Variants in ALK observed in about 807,000 individuals in gnomAD.
ALK encodes the protein ALK tyrosine kinase receptor.
In ALK, 74 loss-of-function variants were observed where a neutral mutation model predicts 163.1. The observed-to-expected ratio is 0.45, with a 90% CI of 0.38 to 0.55. The LOEUF (loss-of-function observed/expected upper bound fraction) is 0.55, where lower values mean the gene tolerates loss of function less well. Among genes scored for constraint, ALK ranks in the 20% least tolerant of loss-of-function variants. The pLI, the probability that ALK is intolerant of heterozygous loss-of-function variation, is 0.00. For synonymous variants in ALK, 960 were observed against 843.2 expected, an observed-to-expected ratio of 1.14 and a Z score of -2.40; for missense variants, 2,063 against 2,105.3, an observed-to-expected ratio of 0.98 and a Z score of 0.39.
In ALK at chr2:29,815,809, C is replaced by A. The variant is rs1380266171; in HGVS notation, c.668-98112G>T. Among the ~76,000 whole-genome samples, 6 of 152,242 alleles carry A rather than the reference C, an allele frequency of 3.9e-5. No individual in the cohort carries two copies. In the South Asian group the frequency reaches 1.2e-3, roughly 32 times the overall value. On this transcript the variant is annotated intron_variant, in intron 1 of 28. Coordinates refer to ENST00000389048, the MANE Select transcript of ALK (RefSeq NM_004304.5). ...CTGAGACACTGACCCAAAACTGAGG[C>A]CCTGGAAATTCCATATACACTCTTT...
chr2:29,197,294 T>C (rs1391611201), intron 27 of ALK, among the ~76,000 whole-genome samples: 1 of 152,136 alleles, frequency 6.6e-6, no homozygotes, highest in African/African-American at 2.4e-5. Context: ...TTGGGGAATG[T>C]AGGCCTGGTG....
chr2:29,643,016 G>A (rs1676748498), intron 3 of ALK, among the ~76,000 whole-genome samples: 1 of 152,014 alleles, frequency 6.6e-6, no homozygotes, highest in South Asian at 2.1e-4. Flanking sequence ...TAAAATTTAG[G>A]AATAATAATA....
At chr2:29,703,620 AAC>A (rs1264742080) in intron 2 of ALK, among the ~76,000 whole-genome samples, 1 of 152,204 alleles carries the variant, frequency 6.6e-6, no homozygotes, top group Admixed American at 6.5e-5. Context: ...GCCTTTTGTG[AAC>A]ACAGCTTCCT....
chr2:29,462,031 A>C (rs1209134699), intron 4 of ALK, among the ~76,000 whole-genome samples: 1 of 152,172 alleles, frequency 6.6e-6, no homozygotes, highest in Non-Finnish European at 1.5e-5. Flanking sequence ...TCATTGGAGA[A>C]AGCAACTGCA....
chr2:29,331,510 A>G (rs537418194), intron 5 of ALK, among the ~76,000 whole-genome samples: 5 of 152,196 alleles, frequency 3.3e-5, no homozygotes, highest in Non-Finnish European at 7.3e-5. Context: ...TCATTTTAGG[A>G]TGTAAAATGT....
rs1298837509 is a variant in ALK, at chr2:29,831,204, GGGAAGA to G, written c.667+88783_667+88788del. Among the ~76,000 whole-genome samples, 51 of 51,240 alleles carry G rather than the reference GGGAAGA, an allele frequency of 1.0e-3. 8 individuals carry two copies. The highest frequency in any genetic ancestry group is 3.7e-3 in the African/African-American group (47 of 12,844). The allele number at this position is 51,240 out of a possible 152,430, so 33.6% of individuals were successfully genotyped here. A position where few individuals can be genotyped will look rare whatever the true frequency, so the allele number is the denominator to read the frequency against. ...GGGGAAGGGGAAGGGGAAGGGGAAG[GGGAAGA>G]GGAAGAGGAAGAGGAAGAAGAAGAG... On this transcript the variant is annotated intron_variant, in intron 1 of 28. Transcript: ENST00000389048.
chr2:29,708,974 G>T lies in ALK; in HGVS notation c.787+8604C>A, dbSNP rs1242587452. Among the ~76,000 whole-genome samples the T allele has an allele frequency of 3.3e-5, 5 of 152,136 alleles. No individual in the cohort carries two copies. The South Asian group carries it at 6.2e-4, about 19-fold the overall frequency. ...TCTGACACAAAGTTTTGCACCTGAGGTTGCTCTCGACAAAACATTTTAAGA... is the reference window on the plus strand; with the variant it reads ...TCTGACACAAAGTTTTGCACCTGAGTTTGCTCTCGACAAAACATTTTAAGA... On this transcript the variant is annotated intron_variant, in intron 2 of 28. Coordinates refer to ENST00000389048, the MANE Select transcript of ALK (RefSeq NM_004304.5).
intron 24 of ALK, among the ~76,000 whole-genome samples, chr2:29,212,919 G>A (rs908991686): frequency 6.6e-6 from 1 of 152,078 alleles, no homozygotes; most frequent in Admixed American, 6.6e-5. Context: ...TGGTCAGGCT[G>A]GTCTCGAACT....
chr2:29,232,322 C>T lies in ALK; in HGVS notation c.2614G>A (p.Gly872Ser), dbSNP rs1343280200. 10 of 1,614,242 alleles carry T rather than the reference C, an allele frequency of 6.2e-6. No homozygotes were observed. The highest frequency in any genetic ancestry group is 7.6e-6 in the Non-Finnish European group (9 of 1,180,046). ...ENNSSVLGLN[G>S]NSGAAGGGGG... ...GCTTTACCTGCGGCTCCGGAATTGCCGTTTAGCCCTAGAACCGAGGAGTTA... is the reference window on the plus strand; with the variant it reads ...GCTTTACCTGCGGCTCCGGAATTGCTGTTTAGCCCTAGAACCGAGGAGTTA... The change falls in exon 15 of 29, where the codon GGC (glycine) becomes AGC (serine). Residue 872 changes from glycine (G) to serine (S), a missense_variant. Physicochemically the swap from Gly to Ser is moderately conservative, Grantham distance 56. Transcript: ENST00000389048.
At chr2:29,333,047 T>C (rs914586334) in intron 5 of ALK, among the ~76,000 whole-genome samples, 1 of 152,236 alleles carries the variant, frequency 6.6e-6, no homozygotes, top group Non-Finnish European at 1.5e-5. Context: ...ATTTTTATTT[T>C]TAACTAAAGG....
chr2:29,592,066 A>G (rs978465990), intron 3 of ALK, among the ~76,000 whole-genome samples: 1 of 152,062 alleles, frequency 6.6e-6, no homozygotes, highest in African/African-American at 2.4e-5. Context: ...CAAAATCCAG[A>G]TGACAGTGCT....
chr2:29,621,423 C>T (rs1244421681), intron 3 of ALK, among the ~76,000 whole-genome samples: 1 of 152,228 alleles, frequency 6.6e-6, no homozygotes, highest in Non-Finnish European at 1.5e-5. Flanking sequence ...CTCCCAGCCT[C>T]TGGCCATTGT....
chr2:29,532,957 A>T (rs553472552), intron 3 of ALK, among the ~76,000 whole-genome samples: 2 of 152,206 alleles, frequency 1.3e-5, no homozygotes, highest in Non-Finnish European at 2.9e-5. Flanking sequence ...GGCACTTCCA[A>T]GGTCTCCTTC....
chr2:29,732,993 G>A (rs1485934040), intron 1 of ALK, among the ~76,000 whole-genome samples: 1 of 152,004 alleles, frequency 6.6e-6, no homozygotes, highest in African/African-American at 2.4e-5. Flanking sequence ...GATATAAGTG[G>A]AGTGAATATA....
intron 1 of ALK, among the ~76,000 whole-genome samples, chr2:29,919,665 C>T (rs1667931979): frequency 6.6e-6 from 1 of 152,200 alleles, no homozygotes; most frequent in African/African-American, 2.4e-5. Flanking sequence ...GTAATCGGGG[C>T]ATTTCAACTG....
intron 9 of ALK, among the ~76,000 whole-genome samples, chr2:29,290,819 G>A (rs1215989228): frequency 1.3e-5 from 2 of 152,130 alleles, no homozygotes; most frequent in South Asian, 2.1e-4. Flanking sequence ...AAGGCATGCC[G>A]GAGTGGGAGG....
intron 1 of ALK, among the ~76,000 whole-genome samples, chr2:29,905,607 G>A (rs1282050106): frequency 6.8e-6 from 1 of 147,090 alleles, no homozygotes; most frequent in Non-Finnish European, 1.5e-5. Context: ...AGGAAAGAAG[G>A]AAGGGAGGAA....
At chr2:29,328,891 G>T (rs1483062875) in intron 5 of ALK, among the ~76,000 whole-genome samples, 2 of 152,214 alleles carry the variant, frequency 1.3e-5, no homozygotes, top group Non-Finnish European at 2.9e-5. Context: ...GGTGGATCTG[G>T]TCTAGTGCAT....
intron 3 of ALK, among the ~76,000 whole-genome samples, chr2:29,627,512 C>T (rs1054148315): frequency 6.6e-6 from 1 of 151,648 alleles, no homozygotes; most frequent in African/African-American, 2.4e-5. Flanking sequence ...AATTGAGAAG[C>T]ATTTGATCCA....
Sources: allele counts gnomAD v4.1 joint callset (sites outside exome capture counted in the v4.1 genomes callset), GRCh38; gene constraint gnomAD v4.1.1; transcripts MANE v1.5; gene names NCBI Gene and HGNC (gene_info 2026-07-23, HGNC 2026-07-21).